Variants in THEMIS observed in about 807,000 individuals in gnomAD.
THEMIS encodes the protein protein THEMIS.
Under a neutral mutation model 52.6 loss-of-function variants are expected in THEMIS, and 37 were observed. The observed-to-expected ratio is 0.70, with a 90% CI of 0.54 to 0.93. The LOEUF (loss-of-function observed/expected upper bound fraction) is 0.93, where lower values mean the gene tolerates loss of function less well. Ranked by LOEUF, THEMIS falls within the 40% of genes least tolerant of loss-of-function variation. THEMIS has a pLI of 0.00. For missense variants in THEMIS, 808 were observed against 763.1 expected, an observed-to-expected ratio of 1.06 and a Z score of -0.69; for synonymous variants, 292 against 272.7, an observed-to-expected ratio of 1.07 and a Z score of -0.70.
At chr6:127,875,575 A>G (rs756368916) in intron 1 of THEMIS, among the ~76,000 whole-genome samples, 3 of 152,230 alleles carry the variant, frequency 2.0e-5, no homozygotes, top group Non-Finnish European at 2.9e-5. Context: ...GAGCTGCCCA[A>G]TACTGCAGCT....
intron 4 of THEMIS, among the ~76,000 whole-genome samples, chr6:127,725,325 A>T (rs1439672415): frequency 6.6e-6 from 1 of 152,130 alleles, no homozygotes; most frequent in Non-Finnish European, 1.5e-5. Flanking sequence ...CAGAGACTAT[A>T]CATAAATAAA....
chr6:127,704,129 A>C (rs1225421682), downstream of THEMIS, among the ~76,000 whole-genome samples: 1 of 152,204 alleles, frequency 6.6e-6, no homozygotes, highest in Non-Finnish European at 1.5e-5. Context: ...TTTCCAACAT[A>C]TGAATTTTGG....
downstream of THEMIS, among the ~76,000 whole-genome samples, chr6:127,704,686 T>C (rs1241378906): frequency 2.0e-5 from 3 of 152,198 alleles, no homozygotes; most frequent in Non-Finnish European, 4.4e-5. Flanking sequence ...GCAGCAGCAC[T>C]TTGCAAGATA....
chr6:127,763,004 A>G (rs945287018), intron 4 of THEMIS, among the ~76,000 whole-genome samples: 12 of 152,004 alleles, frequency 7.9e-5, no homozygotes, highest in African/African-American at 2.9e-4. Context: ...TTATATAAGT[A>G]TGAAATAATT....
intron 1 of THEMIS, among the ~76,000 whole-genome samples, chr6:127,910,210 T>A (rs1055328362): frequency 2.0e-5 from 3 of 152,184 alleles, no homozygotes; most frequent in African/African-American, 7.2e-5. Flanking sequence ...AGATGATGTT[T>A]TTTTATAAAG....
chr6:127,848,663 C>T (rs1295911475), intron 2 of THEMIS, among the ~76,000 whole-genome samples: 3 of 152,118 alleles, frequency 2.0e-5, no homozygotes, highest in South Asian at 2.1e-4. Context: ...ATTTGCATTC[C>T]TCTGATGGCC....
intron 4 of THEMIS, among the ~76,000 whole-genome samples, chr6:127,758,193 G>A (rs1490140255): frequency 1.3e-5 from 2 of 150,680 alleles, no homozygotes; most frequent in African/African-American, 4.8e-5. Flanking sequence ...AAAGGAGGGA[G>A]TATACAAATA....
At chr6:127,845,788 A>C (rs1562295993) in intron 2 of THEMIS, among the ~76,000 whole-genome samples, 1 of 151,918 alleles carries the variant, frequency 6.6e-6, no homozygotes, top group Non-Finnish European at 1.5e-5. Flanking sequence ...AGGCTAACCC[A>C]AAAACTTAAA....
intron 5 of THEMIS, among the ~76,000 whole-genome samples, chr6:127,710,777 A>G (rs1294433720): frequency 6.6e-6 from 1 of 151,964 alleles, no homozygotes; most frequent in African/African-American, 2.4e-5. Flanking sequence ...AGTAAGCACT[A>G]CAAGTGGTCA....
Position 127,785,431 on chromosome 6 carries a change from G to A in THEMIS, c.1758+27452C>T, listed in dbSNP as rs111428022. Among the ~76,000 whole-genome samples, 171 of 150,700 alleles carry A rather than the reference G, an allele frequency of 1.1e-3. 1 individual carries two copies. The highest frequency in any genetic ancestry group is 3.9e-3 in the African/African-American group (161 of 41,122). ...GTATACATATGTAACAAACCTGCAC[G>A]TTGTGCACATGTACCCTAAAACTTA... On this transcript the variant is annotated intron_variant, in intron 4 of 5. Coordinates refer to ENST00000368248, the MANE Select transcript of THEMIS (RefSeq NM_001010923.3).
In THEMIS at chr6:127,850,053, T is replaced by C. The variant is rs556599103; in HGVS notation, c.250+4977A>G. Among the ~76,000 whole-genome samples the C allele has an allele frequency of 1.1e-4, 17 of 151,840 alleles. No homozygotes were observed. The South Asian group carries it at 3.3e-3, about 30-fold the overall frequency. ...AACAAATAAGCAAGAAGAAAACTAATAATCCCACCAACAAGTGGGCAAATG... is the reference window on the plus strand; with the variant it reads ...AACAAATAAGCAAGAAGAAAACTAACAATCCCACCAACAAGTGGGCAAATG... On this transcript the variant is annotated intron_variant, in intron 2 of 5. Coordinates refer to ENST00000368248, the MANE Select transcript of THEMIS (RefSeq NM_001010923.3).
At chr6:127,891,588 T>A (rs573285460) in intron 1 of THEMIS, among the ~76,000 whole-genome samples, 64 of 151,372 alleles carry the variant, frequency 4.2e-4, no homozygotes, top group African/African-American at 1.6e-3. Flanking sequence ...AGTCCTGACA[T>A]TTCTACCTCC....
rs532836239 is a variant in THEMIS, at chr6:127,861,787, A to C, written c.92-6599T>G. On this transcript the variant is annotated intron_variant, in intron 1 of 5. Coordinates refer to ENST00000368248, the MANE Select transcript of THEMIS (RefSeq NM_001010923.3). The stretch of plus-strand genomic sequence containing the variant: ...TGACACAGTAAGACTCCATCTCAAA[A>C]AAAAAAAAAAAAAAAAAAGAAAAGA... 4.7e-5 allele frequency among the ~76,000 whole-genome samples: 5 copies of C among 107,364 alleles called. No homozygotes were observed. In the East Asian group the frequency reaches 1.2e-3, roughly 26 times the overall value. 70.4% of individuals were successfully genotyped at this position (107,364 alleles called of 152,430 possible). A position where few individuals can be genotyped will look rare whatever the true frequency, so the allele number is the denominator to read the frequency against.
chr6:127,821,344 C>A (rs1313885835), intron 3 of THEMIS, among the ~76,000 whole-genome samples: 1 of 152,040 alleles, frequency 6.6e-6, no homozygotes, highest in Admixed American at 6.5e-5. Flanking sequence ...AAGAAGGCAA[C>A]ACCTGAGAGC....
At chr6:127,777,188 GTTTT>G (rs1047703562) in intron 4 of THEMIS, among the ~76,000 whole-genome samples, 1 of 138,026 alleles carries the variant, frequency 7.2e-6, no homozygotes, top group Non-Finnish European at 1.6e-5. Context: ...AACACCTTGG[GTTTT>G]TTTTTTTTCT....
chr6:127,781,283 C>A (rs180877877), intron 4 of THEMIS, among the ~76,000 whole-genome samples: 1 of 151,994 alleles, frequency 6.6e-6, no homozygotes. Flanking sequence ...TTCTAGTTAG[C>A]AATTCATCTA....
downstream of THEMIS, among the ~76,000 whole-genome samples, chr6:127,704,955 G>A (rs946609963): frequency 6.6e-6 from 1 of 152,220 alleles, no homozygotes; most frequent in Non-Finnish European, 1.5e-5. Context: ...GCCTCACTTA[G>A]GAGTGGGTCT....
chr6:127,884,257 G>T (rs555837918), intron 1 of THEMIS, among the ~76,000 whole-genome samples: 1 of 152,032 alleles, frequency 6.6e-6, no homozygotes, highest in Non-Finnish European at 1.5e-5. Flanking sequence ...TTCCCATGTG[G>T]CACATGGACA....
At chr6:127,768,446 G>C (rs1022533204) in intron 4 of THEMIS, among the ~76,000 whole-genome samples, 1 of 152,118 alleles carries the variant, frequency 6.6e-6, no homozygotes. Context: ...AGTCTGAAGG[G>C]AGAGTTGGCT....
Sources: allele counts gnomAD v4.1 joint callset (sites outside exome capture counted in the v4.1 genomes callset), GRCh38; gene constraint gnomAD v4.1.1; transcripts MANE v1.5; gene names NCBI Gene and HGNC (gene_info 2026-07-23, HGNC 2026-07-21).